The following DRC8 variants were observed in gnomAD, a reference collection of about 807,000 sequenced individuals.
The protein encoded by DRC8 is dynein regulatory complex protein 8.
chr1:245,075,475 G>A, the DRC8 span: 4 of 152,252 alleles, frequency 2.6e-5, no homozygotes, highest in Non-Finnish European at 5.9e-5. Context: ...TGGAGTGCCG[G>A]AAGGCACTGT....
the DRC8 span, among the ~76,000 whole-genome samples, chr1:245,018,048 G>A: frequency 2.0e-5 from 3 of 151,970 alleles, no homozygotes; most frequent in Non-Finnish European, 4.4e-5. Flanking sequence ...CCAACATGGT[G>A]AAACTCTGTC....
chr1:245,090,353 G>A, the DRC8 span, among the ~76,000 whole-genome samples: 1 of 152,204 alleles, frequency 6.6e-6, no homozygotes, highest in East Asian at 1.9e-4. Flanking sequence ...GTGATAATAT[G>A]TTTCCCTTGA....
chr1:245,064,044 A>G, the DRC8 span, among the ~76,000 whole-genome samples: 3 of 152,166 alleles, frequency 2.0e-5, no homozygotes, highest in Admixed American at 1.3e-4. Flanking sequence ...TTTTTTTTAA[A>G]AAAAGAGAAA....
At chr1:245,024,797 G>A in the DRC8 span, among the ~76,000 whole-genome samples, 20 of 152,072 alleles carry the variant, frequency 1.3e-4, no homozygotes, top group Admixed American at 7.2e-4. Flanking sequence ...ACCCACCTTG[G>A]CCTCCCAAAG....
chr1:245,060,357 C>T, the DRC8 span, among the ~76,000 whole-genome samples: 1 of 152,014 alleles, frequency 6.6e-6, no homozygotes, highest in African/African-American at 2.4e-5. Context: ...GTTTTGAATC[C>T]TAAAGCATTA....
the DRC8 span, chr1:245,017,295 G>T: frequency 6.2e-7 from 1 of 1,609,308 alleles, no homozygotes; most frequent in South Asian, 1.1e-5. Context: ...TGAAGTCTTT[G>T]ACCATGAGTC....
At chr1:245,054,187 G>T in the DRC8 span, among the ~76,000 whole-genome samples, 3 of 151,900 alleles carry the variant, frequency 2.0e-5, no homozygotes, top group African/African-American at 7.3e-5. Context: ...TTTGATGTGG[G>T]GGTCTGTGTA....
the DRC8 span, among the ~76,000 whole-genome samples, chr1:245,073,035 G>T: frequency 5.3e-5 from 8 of 152,138 alleles, no homozygotes; most frequent in Non-Finnish European, 8.8e-5. Context: ...AGTCTCAAGT[G>T]TTTATAGCAA....
chr1:245,043,969 C>T, the DRC8 span: 2 of 152,126 alleles, frequency 1.3e-5, no homozygotes, highest in South Asian at 2.1e-4. Context: ...AGAACAACAT[C>T]GAGAAGATGA....
chr1:245,085,495 T>C, the DRC8 span, among the ~76,000 whole-genome samples: 1 of 151,292 alleles, frequency 6.6e-6, no homozygotes, highest in Non-Finnish European at 1.5e-5. Context: ...AATGGGGAGG[T>C]AGGAATGAAC....
the DRC8 span, among the ~76,000 whole-genome samples, chr1:245,068,802 T>A: frequency 6.6e-6 from 1 of 152,100 alleles, no homozygotes; most frequent in African/African-American, 2.4e-5. Context: ...ATCTTGCTTT[T>A]TTCCACCTAA....
the DRC8 span, among the ~76,000 whole-genome samples, chr1:245,033,440 A>G: frequency 6.6e-6 from 1 of 152,190 alleles, no homozygotes; most frequent in Non-Finnish European, 1.5e-5. Context: ...CTTCTCCCAC[A>G]AACGCCTTCT....
At chr1:245,049,848 C>T in the DRC8 span, among the ~76,000 whole-genome samples, 8 of 152,298 alleles carry the variant, frequency 5.3e-5, no homozygotes, top group East Asian at 1.9e-4. The surrounding 1 kb of genome is among the most constrained non-coding windows in gnomAD (Gnocchi z 4.5). Flanking sequence ...GTGTGAATCC[C>T]GTTTCCACCA....
the DRC8 span, chr1:245,125,100 G>A: frequency 6.6e-6 from 1 of 152,270 alleles, no homozygotes; most frequent in Non-Finnish European, 1.5e-5. Flanking sequence ...ACTGTTTGGA[G>A]ATGCCATGTT....
At chr1:245,069,016 G>T in the DRC8 span, among the ~76,000 whole-genome samples, 5 of 152,014 alleles carry the variant, frequency 3.3e-5, no homozygotes, top group African/African-American at 1.2e-4. Flanking sequence ...AGAAACCAAC[G>T]CTTTAAGAAA....
chr1:245,029,339 C>T, the DRC8 span, among the ~76,000 whole-genome samples: 1 of 152,320 alleles, frequency 6.6e-6, no homozygotes, highest in South Asian at 2.1e-4. Flanking sequence ...ACTCTGTCAC[C>T]CAGGCTGGAG....
chr1:245,057,755 G>A, the DRC8 span, among the ~76,000 whole-genome samples: 1 of 151,884 alleles, frequency 6.6e-6, no homozygotes, highest in Non-Finnish European at 1.5e-5. Flanking sequence ...AGGGCAATTG[G>A]GATATCCATC....
chr1:245,039,905 T>C, the DRC8 span, among the ~76,000 whole-genome samples: 3 of 152,196 alleles, frequency 2.0e-5, no homozygotes, highest in Non-Finnish European at 2.9e-5. Context: ...GCTTTAGTAC[T>C]GATGATGTTA....
chr1:245,120,282 T>C, the DRC8 span, among the ~76,000 whole-genome samples: 1 of 152,156 alleles, frequency 6.6e-6, no homozygotes, highest in Non-Finnish European at 1.5e-5. Context: ...CCTTCACGCA[T>C]CTCTACACAT....
Sources: allele counts gnomAD v4.1 joint callset (sites outside exome capture counted in the v4.1 genomes callset), GRCh38; gene constraint gnomAD v4.1.1; non-coding constraint Gnocchi (gnomAD v3.1); transcripts MANE v1.5; gene names NCBI Gene and HGNC (gene_info 2026-07-23, HGNC 2026-07-21).